The following ZNF704 variants were observed in gnomAD, a reference collection of about 807,000 sequenced individuals.
The protein encoded by ZNF704 is zinc finger protein 704.
Under a neutral mutation model 44.7 loss-of-function variants are expected in ZNF704, and 10 were observed. That is an observed-to-expected ratio of 0.22 (90% CI 0.14 to 0.38). The LOEUF is 0.38. ZNF704 is among the 10% of genes least tolerant of loss of function. The pLI is 1.00. For missense variants in ZNF704, 390 were observed against 545.5 expected, an observed-to-expected ratio of 0.71 and a Z score of 2.84; for synonymous variants, 211 against 207.6, an observed-to-expected ratio of 1.02 and a Z score of -0.14.
intron 2 of ZNF704, among the ~76,000 whole-genome samples, chr8:80,693,754 C>T (rs112788796): frequency 0.015 from 2,255 of 152,128 alleles, 22 homozygotes; most frequent in Non-Finnish European, 0.021. Flanking sequence ...AAGGGGAGAG[C>T]GGTGCAGAGC....
intron 6 of ZNF704, 140 bp downstream of exon 6, chr8:80,664,675 T>C: frequency 1.9e-6 from 2 of 1,040,630 alleles, no homozygotes; most frequent in Non-Finnish European, 2.8e-6. Context: ...TCTTAGGCTT[T>C]AAAGGGAGAA....
At chr8:80,765,747 G>T (rs1807216354) in intron 2 of ZNF704, among the ~76,000 whole-genome samples, 1 of 152,094 alleles carries the variant, frequency 6.6e-6, no homozygotes, top group South Asian at 2.1e-4. Flanking sequence ...TGGCATTTGG[G>T]ATTGCATCTT....
At chr8:80,711,205 T>A (rs1818980517) in intron 2 of ZNF704, among the ~76,000 whole-genome samples, 1 of 152,184 alleles carries the variant, frequency 6.6e-6, no homozygotes, top group Non-Finnish European at 1.5e-5. Flanking sequence ...TGTTCTAGCC[T>A]TCTAGTGACA....
chr8:80,852,791 T>A (rs767450391), intron 1 of ZNF704, among the ~76,000 whole-genome samples: 1 of 152,180 alleles, frequency 6.6e-6, no homozygotes, highest in African/African-American at 2.4e-5. Flanking sequence ...GGCAATAGAT[T>A]TATGTTTCTC....
chr8:80,848,238 G>T (rs1387881581), intron 1 of ZNF704, among the ~76,000 whole-genome samples: 1 of 152,198 alleles, frequency 6.6e-6, no homozygotes, highest in Non-Finnish European at 1.5e-5. Context: ...GTTAGGAACG[G>T]CGGAGAGGCA....
chr8:80,671,469 T>G (rs913243337), intron 4 of ZNF704, among the ~76,000 whole-genome samples: 2 of 152,220 alleles, frequency 1.3e-5, no homozygotes, highest in African/African-American at 4.8e-5. Context: ...CACAGCATTA[T>G]TATGAGGATT....
In ZNF704 at chr8:80,687,373, G is replaced by A. The variant is rs773629270; in HGVS notation, c.411C>T (p.Ser137=). The part of the protein sequence containing the change: ...SSGYWSWSAP[S]DQSNPSTPSP... ...ACGGCGTGGACGGGTTGGACTGGTC[G>A]CTGGGGGCGCTCCAGCTCCAGTAGC... is the stretch of plus-strand genomic sequence containing the variant. The change falls in exon 4 of 9, where the codon AGC becomes AGT. Residue 137 remains serine (S), a synonymous_variant. Transcript: ENST00000327835. 27 of 1,606,110 alleles carry A rather than the reference G, an allele frequency of 1.7e-5. No individual in the cohort carries two copies. The South Asian group carries it at 2.5e-4, about 15-fold the overall frequency.
At chr8:80,734,103 C>A (rs1338531007) in intron 2 of ZNF704, among the ~76,000 whole-genome samples, 1 of 152,126 alleles carries the variant, frequency 6.6e-6, no homozygotes, top group Non-Finnish European at 1.5e-5. Flanking sequence ...CTGGTCATAG[C>A]AAAATGTGAG....
intron 1 of ZNF704, among the ~76,000 whole-genome samples, chr8:80,823,415 C>G (rs900378640): frequency 1.3e-5 from 2 of 152,314 alleles, no homozygotes; most frequent in East Asian, 3.9e-4. Flanking sequence ...GTAAGCACAA[C>G]GGCTGGGAAG....
Position 80,664,888 on chromosome 8 carries a change from G to C in ZNF704, c.854C>G (p.Thr285Ser). 6.2e-7 allele frequency: 1 copy of C among 1,614,210 alleles called. No individual in the cohort carries two copies. Among genetic ancestry groups the C allele is most frequent in the East Asian group, 2.2e-5 (1 of 44,878 alleles). ...GCGGCTCAACGGCGTCATCAACTTA[G>C]TCTCCGTTTTGGCACAAGGAGTTTC... ...RTETPCAKTE[T>S]KLMTPLSRSA... Residue 285 changes from threonine (T) to serine (S), a missense_variant, in exon 6 of 9, where the codon ACT (threonine) becomes AGT (serine). Physicochemically the swap from Thr to Ser is moderately conservative, Grantham distance 58. Transcript: ENST00000327835.
chr8:80,839,669 G>A lies in ZNF704; in HGVS notation c.-21-18054C>T, dbSNP rs968785244. 2.6e-5 allele frequency among the ~76,000 whole-genome samples: 4 copies of A among 152,182 alleles called. No homozygotes were observed. In the East Asian group the frequency reaches 7.7e-4, roughly 29 times the overall value. On this transcript the variant is annotated intron_variant, in intron 1 of 8. Transcript: ENST00000327835. ...GAAACGCTTCCTGCTTCAACACTGA[G>A]GCTTTCATAAGAAGGGAGATGGCTC...
chr8:80,770,903 C>T (rs1412264276), intron 2 of ZNF704, among the ~76,000 whole-genome samples: 1 of 152,032 alleles, frequency 6.6e-6, no homozygotes, highest in Non-Finnish European at 1.5e-5. Flanking sequence ...GGTTTTATTT[C>T]GTTTTTTGTT....
intron 2 of ZNF704, among the ~76,000 whole-genome samples, chr8:80,799,257 A>G (rs1439269669): frequency 6.6e-6 from 1 of 152,234 alleles, no homozygotes; most frequent in Non-Finnish European, 1.5e-5. Context: ...ATAAAAAGTT[A>G]CAAGGAATAA....
chr8:80,763,007 T>G (rs760917541), intron 2 of ZNF704, among the ~76,000 whole-genome samples: 4 of 152,236 alleles, frequency 2.6e-5, no homozygotes, highest in African/African-American at 4.8e-5. Flanking sequence ...ATTCAGCGCA[T>G]GCTGATGCAA....
intron 2 of ZNF704, among the ~76,000 whole-genome samples, chr8:80,752,948 C>G (rs1449683386): frequency 6.6e-6 from 1 of 152,162 alleles, no homozygotes; most frequent in Non-Finnish European, 1.5e-5. Context: ...CCCTGGTGAA[C>G]AAGTAAAAAG....
rs58090301 is a variant in ZNF704, at chr8:80,674,642, G to A, written c.559-4039C>T. On this transcript the variant is annotated intron_variant, in intron 4 of 8. Transcript: ENST00000327835. ...TCATGCCATGTGAGAATGGCACCACGCCATTCAAGAGGGATGCACCCCAAT... is the reference window on the plus strand; with the variant it reads ...TCATGCCATGTGAGAATGGCACCACACCATTCAAGAGGGATGCACCCCAAT... 4.6e-3 allele frequency among the ~76,000 whole-genome samples: 695 copies of A among 152,154 alleles called. 4 individuals carry two copies. The highest frequency in any genetic ancestry group is 0.016 in the African/African-American group (663 of 41,502).
At chr8:80,660,915 G>C (rs1563509381) in intron 6 of ZNF704, among the ~76,000 whole-genome samples, 1 of 152,000 alleles carries the variant, frequency 6.6e-6, no homozygotes, top group African/African-American at 2.4e-5. Context: ...AAAAGCACAA[G>C]AAACAAACAA....
At chr8:80,832,946 C>A (rs986328537) in intron 1 of ZNF704, among the ~76,000 whole-genome samples, 14 of 152,196 alleles carry the variant, frequency 9.2e-5, no homozygotes, top group Non-Finnish European at 1.6e-4. Flanking sequence ...GACACATCAA[C>A]CACTGTGTGG....
chr8:80,780,504 G>C (rs547944204), intron 2 of ZNF704, among the ~76,000 whole-genome samples: 2 of 152,166 alleles, frequency 1.3e-5, no homozygotes, highest in South Asian at 4.1e-4. Context: ...TGTGAATGTG[G>C]CCTTATTTGG....
Sources: allele counts gnomAD v4.1 joint callset (sites outside exome capture counted in the v4.1 genomes callset), GRCh38; gene constraint gnomAD v4.1.1; transcripts MANE v1.5; gene names NCBI Gene and HGNC (gene_info 2026-07-23, HGNC 2026-07-21).